Variants in PIK3C2G observed in about 807,000 individuals in gnomAD.
PIK3C2G encodes phosphatidylinositol-4-phosphate 3-kinase catalytic subunit type 2 gamma, also known as phosphatidylinositol 3-kinase C2 domain-containing subunit gamma.
A neutral mutation model predicts 181.1 loss-of-function variants in PIK3C2G; 168 were observed. The ratio of observed to expected loss-of-function variants is 0.93; its 90% CI spans 0.82 to 1.05. PIK3C2G has a LOEUF of 1.05. PIK3C2G is among the 50% of genes least tolerant of loss of function. The probability of loss-of-function intolerance (pLI) is 0.00; values close to 1 mark genes in which losing one functional copy is unlikely to be tolerated. For missense variants in PIK3C2G, 1,869 were observed against 1,732.8 expected (o/e 1.08, Z -1.40); for synonymous variants, 573 against 592.2 (o/e 0.97, Z 0.47).
At chr12:18,484,170 T>C (rs1388057185) in intron 18 of PIK3C2G, among the ~76,000 whole-genome samples, 1 of 152,166 alleles carries the variant, frequency 6.6e-6, no homozygotes, top group Admixed American at 6.5e-5. Context: ...TACAGGAAGG[T>C]ACTGGAAGTC....
intron 31 of PIK3C2G, among the ~76,000 whole-genome samples, chr12:18,617,474 T>A (rs1040947697): frequency 3.3e-5 from 5 of 152,162 alleles, no homozygotes; most frequent in Non-Finnish European, 5.9e-5. Flanking sequence ...AAATTTTGTA[T>A]GCATATTCAC....
intron 32 of PIK3C2G, among the ~76,000 whole-genome samples, chr12:18,647,542 C>T (rs1030437979): frequency 1.7e-4 from 26 of 151,588 alleles, no homozygotes; most frequent in Admixed American, 1.7e-3. Context: ...TACATAATAG[C>T]TGTACATATT....
chr12:18,392,510 C>T (rs1943598704), intron 15 of PIK3C2G, among the ~76,000 whole-genome samples: 1 of 152,032 alleles, frequency 6.6e-6, no homozygotes, highest in South Asian at 2.1e-4. Flanking sequence ...TTGATATTCC[C>T]TCTGCCTGAA....
intron 31 of PIK3C2G, among the ~76,000 whole-genome samples, chr12:18,623,398 T>A (rs977518998): frequency 6.6e-6 from 1 of 151,824 alleles, no homozygotes; most frequent in African/African-American, 2.4e-5. Context: ...TGGGTTGATA[T>A]ATTTATTTGT....
chr12:18,678,297 A>G, the PIK3C2G span, among the ~76,000 whole-genome samples: 1 of 152,138 alleles, frequency 6.6e-6, no homozygotes, highest in Non-Finnish European at 1.5e-5. Context: ...AGCGTGCTCA[A>G]AAGAAAGCCA....
intron 26 of PIK3C2G, among the ~76,000 whole-genome samples, chr12:18,552,134 G>C (rs867187195): frequency 6.6e-6 from 1 of 152,058 alleles, no homozygotes. Flanking sequence ...AAATGTGGAT[G>C]GCATCCCGAG....
chr12:18,444,936 A>G (rs11044123), intron 18 of PIK3C2G, among the ~76,000 whole-genome samples: 40,232 of 151,978 alleles, frequency 0.26, 5,895 homozygotes, highest in Admixed American at 0.36. Flanking sequence ...CTTGCCAAAA[A>G]AGAACACTGC....
At chr12:18,309,210 T>C (rs1950542785) in intron 5 of PIK3C2G, among the ~76,000 whole-genome samples, 1 of 151,722 alleles carries the variant, frequency 6.6e-6, no homozygotes, top group African/African-American at 2.4e-5. Flanking sequence ...TAAATCTTTT[T>C]TTACCCATGC....
At chr12:18,543,064 C>G (rs578131891) in intron 25 of PIK3C2G, among the ~76,000 whole-genome samples, 1 of 152,018 alleles carries the variant, frequency 6.6e-6, no homozygotes, top group East Asian at 1.9e-4. Flanking sequence ...TATTTTCTGA[C>G]TTTTTAGTAA....
intron 14 of PIK3C2G, among the ~76,000 whole-genome samples, chr12:18,388,965 T>A (rs1049056386): frequency 3.9e-5 from 6 of 152,070 alleles, no homozygotes; most frequent in Non-Finnish European, 8.8e-5. Context: ...AAATAAGGAG[T>A]GCATCCTCAA....
intron 1 of PIK3C2G, among the ~76,000 whole-genome samples, chr12:18,261,824 C>T (rs1948248758): frequency 6.6e-6 from 1 of 151,838 alleles, no homozygotes; most frequent in African/African-American, 2.4e-5. Context: ...TCTCTTTCCC[C>T]CCTCCCTCTG....
chr12:18,651,319 C>T (rs560711669), downstream of PIK3C2G, among the ~76,000 whole-genome samples: 12 of 152,240 alleles, frequency 7.9e-5, 1 homozygote, highest in South Asian at 2.5e-3. Flanking sequence ...CTACCTTGAA[C>T]ACCCTATGTG....
At chr12:18,678,227 C>G in the PIK3C2G span, among the ~76,000 whole-genome samples, 1 of 152,062 alleles carries the variant, frequency 6.6e-6, no homozygotes, top group African/African-American at 2.4e-5. Context: ...TGTTAGAACA[C>G]ACATTGTCAC....
chr12:18,338,745 GTATTGGCAGCTTGAGTC>G (rs1332280349), intron 9 of PIK3C2G, among the ~76,000 whole-genome samples, 197 bp downstream of exon 9: 2 of 150,542 alleles, frequency 1.3e-5, no homozygotes, highest in Non-Finnish European at 3.0e-5. Context: ...TTGTTTGGGG[GTATTGGCAGCTTGAGTC>G]TATTATGCCA....
chr12:18,643,040 A>G (rs1478468669), intron 32 of PIK3C2G, among the ~76,000 whole-genome samples: 1 of 152,184 alleles, frequency 6.6e-6, no homozygotes, highest in Non-Finnish European at 1.5e-5. Flanking sequence ...TGTGTTAGGC[A>G]TAAGCATTTT....
intron 31 of PIK3C2G, among the ~76,000 whole-genome samples, chr12:18,633,307 G>T (rs1949432150): frequency 1.3e-5 from 2 of 152,090 alleles, no homozygotes; most frequent in South Asian, 4.1e-4. Context: ...AAAGAGGAAA[G>T]AAAACAAAGA....
intron 24 of PIK3C2G, among the ~76,000 whole-genome samples, chr12:18,516,900 T>C (rs2136164692): frequency 6.6e-6 from 1 of 152,164 alleles, no homozygotes. Flanking sequence ...ATTTTCTTTG[T>C]TATTCACTGA....
At chr12:18,336,759 T>C (rs943133139) in intron 8 of PIK3C2G, among the ~76,000 whole-genome samples, 2 of 152,206 alleles carry the variant, frequency 1.3e-5, no homozygotes, top group Non-Finnish European at 2.9e-5. Context: ...TTTTAGCTCA[T>C]TAATAAAATC....
chr12:18,582,560 A>G (rs796592548), intron 29 of PIK3C2G, among the ~76,000 whole-genome samples: 13 of 152,230 alleles, frequency 8.5e-5, no homozygotes, highest in East Asian at 3.9e-4. Context: ...AGACTCCTAT[A>G]CATACACCTA....
Sources: gnomAD v4.1 joint callset for allele counts (sites outside exome capture counted in the v4.1 genomes callset) on GRCh38, gnomAD v4.1.1 for gene constraint, MANE v1.5 for transcripts, NCBI Gene and HGNC (gene_info 2026-07-23, HGNC 2026-07-21) for gene names.